GAS7: variants seen among roughly 807,000 people sequenced by gnomAD.
The protein encoded by GAS7 is growth arrest-specific protein 7.
Under a neutral mutation model 71.1 loss-of-function variants are expected in GAS7, and 28 were observed. The ratio of observed to expected loss-of-function variants is 0.39; its 90% CI spans 0.29 to 0.54. The LOEUF is 0.54. GAS7 is among the 20% of genes least tolerant of loss of function. The pLI is 0.62. For missense variants in GAS7, 436 were observed against 627.8 expected, an observed-to-expected ratio of 0.69 and a Z score of 3.27; for synonymous variants, 258 against 245.8, an observed-to-expected ratio of 1.05 and a Z score of -0.46.
intron 1 of GAS7, among the ~76,000 whole-genome samples, chr17:10,180,690 C>G (rs1199135930): frequency 2.0e-5 from 3 of 152,160 alleles, no homozygotes; most frequent in Non-Finnish European, 4.4e-5. Context: ...GTTCCCCAAT[C>G]AATCTTGTTA....
At chr17:10,016,688 T>C (rs557723879) in intron 2 of GAS7, among the ~76,000 whole-genome samples, 24 of 147,460 alleles carry the variant, frequency 1.6e-4, no homozygotes, top group Non-Finnish European at 3.0e-4. Context: ...TCAAGGCCAG[T>C]AGATTACTTG....
intron 1 of GAS7, among the ~76,000 whole-genome samples, chr17:10,174,354 G>A (rs2074356023): frequency 1.3e-5 from 2 of 152,326 alleles, no homozygotes; most frequent in South Asian, 4.1e-4. Flanking sequence ...ACCTTGCAGG[G>A]TGAGCACTAA....
rs569459809 is a variant in GAS7, at chr17:10,142,044, T to C, written c.183+56164A>G. 5.9e-4 allele frequency among the ~76,000 whole-genome samples: 89 copies of C among 151,964 alleles called. 1 individual carries two copies. The highest frequency in any genetic ancestry group is 2.5e-3 in the South Asian group (12 of 4,818). ...GAGATCAAGACCATCCTGGCTAACA[T>C]GGTGAAACCCCGTCTCTACTAAAAA... On this transcript the variant is annotated intron_variant, in intron 1 of 13. Transcript: ENST00000432992.
intron 8 of GAS7, among the ~76,000 whole-genome samples, chr17:9,937,154 T>A (rs144860689): frequency 6.6e-6 from 1 of 152,212 alleles, no homozygotes; most frequent in African/African-American, 2.4e-5. Context: ...TGTGCGTGCA[T>A]GCACACACAG....
intron 2 of GAS7, among the ~76,000 whole-genome samples, chr17:9,983,709 C>T (rs1177317019): frequency 6.6e-6 from 1 of 151,952 alleles, no homozygotes; most frequent in Non-Finnish European, 1.5e-5. Context: ...ATCGCTTGGT[C>T]CTGGGAGGTG....
At chr17:9,971,042 A>C (rs1157077104) in intron 3 of GAS7, among the ~76,000 whole-genome samples, 2 of 152,180 alleles carry the variant, frequency 1.3e-5, no homozygotes, top group African/African-American at 4.8e-5. Context: ...TGGTGTGAGA[A>C]TCCAACAAAG....
Position 9,974,037 on chromosome 17 carries a change from CTT to C in GAS7, c.386-4277_386-4276del, listed in dbSNP as rs904780012. On this transcript the variant is annotated intron_variant, in intron 3 of 13. Transcript: ENST00000432992. The surrounding 1 kb of genome is among the most constrained non-coding windows in gnomAD (Gnocchi z 4.0). ...GGTCCTGCCTCTCCTCTGCCCCAGT[CTT>C]TCCCCACACTTGCAGCCGCCAGGAA... 6.6e-6 allele frequency among the ~76,000 whole-genome samples: 1 copy of C among 152,166 alleles called. No individual in the cohort carries two copies. The highest frequency in any genetic ancestry group is 1.5e-5 in the Non-Finnish European group (1 of 68,028).
intron 1 of GAS7, among the ~76,000 whole-genome samples, chr17:10,142,280 T>C (rs991824743): frequency 6.6e-6 from 1 of 151,740 alleles, no homozygotes; most frequent in Non-Finnish European, 1.5e-5. Context: ...TAAAAGCAGA[T>C]TGTAAATCTT....
At chr17:9,977,115 G>A (rs765320733) in intron 3 of GAS7, among the ~76,000 whole-genome samples, 5 of 152,150 alleles carry the variant, frequency 3.3e-5, no homozygotes, top group Admixed American at 6.5e-5. Flanking sequence ...GATGTCAACC[G>A]GGAGAACTGA....
intron 4 of GAS7, among the ~76,000 whole-genome samples, chr17:9,962,002 G>A (rs2069515055): frequency 1.3e-5 from 2 of 152,154 alleles, no homozygotes; most frequent in African/African-American, 2.4e-5. Context: ...AAGGCTTGAC[G>A]CAGAGGTCGC....
At position 9,974,344 on chromosome 17, in the gene GAS7, T is replaced by C. The variant is rs115813625; in HGVS notation, c.386-4582A>G. ...ATCCTGGCAACCCTCACCCACGGCA[T>C]TCCTCATTGCTATTCCCTGTCCTGG... On this transcript the variant is annotated intron_variant, in intron 3 of 13. Transcript: ENST00000432992. This position sits in a 1 kb window ranked among gnomAD's most constrained non-coding sequence, Gnocchi z 4.0. Among the ~76,000 whole-genome samples the C allele has an allele frequency of 6.6e-6, 1 of 152,076 alleles. No individual in the cohort carries two copies. Among genetic ancestry groups the C allele is most frequent in the African/African-American group, 2.4e-5 (1 of 41,404 alleles).
chr17:10,040,805 G>A (rs2072849294), intron 1 of GAS7, among the ~76,000 whole-genome samples: 1 of 152,160 alleles, frequency 6.6e-6, no homozygotes. Flanking sequence ...GGTCAGACAT[G>A]CTACAGAAAT....
At chr17:10,146,913 G>A (rs974426605) in intron 1 of GAS7, among the ~76,000 whole-genome samples, 12 of 151,428 alleles carry the variant, frequency 7.9e-5, no homozygotes, top group Non-Finnish European at 1.5e-4. Context: ...CCCGGGAGGC[G>A]GAGTTTGTAG....
intron 3 of GAS7, among the ~76,000 whole-genome samples, chr17:9,972,028 A>G (rs1329258580): frequency 6.6e-6 from 1 of 152,204 alleles, no homozygotes; most frequent in African/African-American, 2.4e-5. Flanking sequence ...CTTCTCCCCC[A>G]GCTACAGGGT....
intron 1 of GAS7, among the ~76,000 whole-genome samples, chr17:10,179,321 G>A (rs2074397221): frequency 6.6e-6 from 1 of 150,634 alleles, no homozygotes; most frequent in East Asian, 2.0e-4. Context: ...CAACATGAGT[G>A]AAACTCCATC....
chr17:9,964,318 C>CT (rs2069620022), intron 4 of GAS7, among the ~76,000 whole-genome samples: 1 of 152,152 alleles, frequency 6.6e-6, no homozygotes, highest in South Asian at 2.1e-4. Flanking sequence ...TCCTCCCCCC[C>CT]TGCAAATAAT....
intron 1 of GAS7, among the ~76,000 whole-genome samples, chr17:10,167,073 T>TTTTTTTTTTC (rs138918612): frequency 2.6e-5 from 3 of 116,008 alleles, no homozygotes; most frequent in Non-Finnish European, 3.6e-5. Context: ...TTTTTTTTTT[T>TTTTTTTTTTC]TGAGACAGAG....
rs1024188048 is a variant in GAS7 at position 10,015,178 on chromosome 17, A to G, written c.304+4599T>C. Among the ~76,000 whole-genome samples the G allele has an allele frequency of 4.6e-5, 7 of 151,302 alleles. No individual in the cohort carries two copies. In the South Asian group the frequency reaches 1.0e-3, roughly 23 times the overall value. ...CAAAAAAAAAAGAAAAGAAAAGAAA[A>G]GAAGCAGATTAGCCAAGGCAAGGTA... On this transcript the variant is annotated intron_variant, in intron 2 of 13. Transcript: ENST00000432992.
rs1309656044 is a variant in GAS7, at chr17:9,969,652, T to C, written c.471+25A>G. 1 of 1,405,876 alleles carries C rather than the reference T, an allele frequency of 7.1e-7. No homozygotes were observed. The allele number at this position is 1,405,876 out of a possible 1,614,324, so 87.1% of individuals were successfully genotyped here. A position where few individuals can be genotyped will look rare whatever the true frequency, so the allele number is the denominator to read the frequency against. On this transcript the variant is annotated intron_variant, in intron 4 of 13. Transcript: ENST00000432992. The surrounding 1 kb of genome is among the most constrained non-coding windows in gnomAD (Gnocchi z 5.5). ...AGGCCTGCAGAAGCAGTGACCGCTA[T>C]ACCTCCCTCAACAGGACCCCTTACC...
Sources: gnomAD v4.1 joint callset for allele counts (sites outside exome capture counted in the v4.1 genomes callset) on GRCh38, gnomAD v4.1.1 for gene constraint, Gnocchi (gnomAD v3.1) non-coding constraint, MANE v1.5 for transcripts, NCBI Gene and HGNC (gene_info 2026-07-23, HGNC 2026-07-21) for gene names.